UTRN: variants seen among roughly 807,000 people sequenced by gnomAD.
UTRN encodes dystrophin-related protein 1.
In UTRN, 283 loss-of-function variants were observed where a neutral mutation model predicts 463.9. That is an observed-to-expected ratio of 0.61 (90% CI 0.55 to 0.67). UTRN has a LOEUF of 0.67. Ranked by LOEUF, UTRN falls within the 30% of genes least tolerant of loss-of-function variation. The pLI, the probability that UTRN is intolerant of heterozygous loss-of-function variation, is 0.00. For synonymous variants in UTRN, 1,442 were observed against 1,431.5 expected (o/e 1.01, Z -0.17); for missense variants, 3,922 against 4,084.3 (o/e 0.96, Z 1.08).
rs1413264509 is a variant in UTRN at position 144,502,502 on chromosome 6, A to G, written c.4764+3075A>G. On this transcript the variant is annotated intron_variant, in intron 34 of 74. Coordinates refer to ENST00000367545, the MANE Select transcript of UTRN (RefSeq NM_007124.3). ...TCAATTCCCACTTATGAGTGAGAAT[A>G]TGTGGTGTTTGGTTTTCTGTTCCTG... Among the ~76,000 whole-genome samples the G allele has an allele frequency of 2.0e-5, 3 of 151,964 alleles. No homozygotes were observed. The East Asian group carries it at 5.8e-4, about 29-fold the overall frequency.
At chr6:144,560,978 G>A (rs1410416093) in intron 50 of UTRN, among the ~76,000 whole-genome samples, 3 of 151,090 alleles carry the variant, frequency 2.0e-5, no homozygotes, top group African/African-American at 7.3e-5. Context: ...TTGAAAAGTA[G>A]GCCTGTCTCT....
intron 69 of UTRN, 140 bp downstream of exon 69, chr6:144,828,995 G>A: frequency 1.2e-6 from 1 of 864,674 alleles, no homozygotes; most frequent in Non-Finnish European, 1.8e-6. Flanking sequence ...TTTCTACGTA[G>A]ATTTTATGCT....
At chr6:144,553,810 T>C (rs1158640397) in intron 48 of UTRN, among the ~76,000 whole-genome samples, 1 of 150,946 alleles carries the variant, frequency 6.6e-6, no homozygotes, top group East Asian at 1.9e-4. Flanking sequence ...CATGGGAGGC[T>C]GAGGCAGGAG....
intron 14 of UTRN, among the ~76,000 whole-genome samples, chr6:144,444,981 A>G (rs1386802110): frequency 6.6e-6 from 1 of 152,188 alleles, no homozygotes; most frequent in Non-Finnish European, 1.5e-5. Flanking sequence ...GTCTTTCCAG[A>G]AAAGCAACCA....
intron 65 of UTRN, among the ~76,000 whole-genome samples, chr6:144,803,802 A>G (rs1433328542): frequency 6.6e-6 from 1 of 152,132 alleles, no homozygotes; most frequent in African/African-American, 2.4e-5. Context: ...AGCTCATTCC[A>G]GATATTATGT....
intron 23 of UTRN, among the ~76,000 whole-genome samples, chr6:144,470,775 G>C (rs892845663): frequency 1.3e-5 from 2 of 152,114 alleles, no homozygotes; most frequent in African/African-American, 2.4e-5. Context: ...CTGCAATCCC[G>C]GTACCTCGGG....
At chr6:144,662,562 A>T (rs1269075524) in intron 51 of UTRN, among the ~76,000 whole-genome samples, 2 of 152,180 alleles carry the variant, frequency 1.3e-5, no homozygotes, top group African/African-American at 4.8e-5. Flanking sequence ...TCATATCAGC[A>T]GTTGTCATTG....
intron 2 of UTRN, among the ~76,000 whole-genome samples, chr6:144,339,894 G>A (rs1031977839): frequency 1.3e-5 from 2 of 152,208 alleles, no homozygotes; most frequent in African/African-American, 4.8e-5. Context: ...TAGGCCAGGC[G>A]TGGTGGCTCA....
chr6:144,555,487 C>A (rs1344994251), intron 49 of UTRN, among the ~76,000 whole-genome samples: 1 of 152,222 alleles, frequency 6.6e-6, no homozygotes. Flanking sequence ...GGCTGGAATG[C>A]AGTGGCACTA....
rs201690575 is a variant in UTRN, at chr6:144,678,433, A to C, written c.7507A>C (p.Asn2503His). Residue 2503 changes from asparagine to histidine, a missense_variant, in exon 52 of 75, where the codon AAT becomes CAT. This residue lies in a region of UTRN where 1,309 missense variants were observed against 1,452.6 expected (regional missense o/e 0.90). Transcript: ENST00000367545. ...QDIQAEIDAH[N>H]DIFKSIDGNR... Reference sequence around the variant, plus strand: ...CATCCAGGCAGAAATTGATGCCCACAATGACATATTTAAAAGCATTGACGG... The same window carrying C: ...CATCCAGGCAGAAATTGATGCCCACCATGACATATTTAAAAGCATTGACGG... 116 of 1,612,588 alleles carry C rather than the reference A, an allele frequency of 7.2e-5. No homozygotes were observed. The highest frequency in any genetic ancestry group is 5.9e-6 in the Non-Finnish European group (7 of 1,179,164).
At chr6:144,705,334 A>T (rs1025166680) in intron 53 of UTRN, among the ~76,000 whole-genome samples, 2 of 152,210 alleles carry the variant, frequency 1.3e-5, no homozygotes, top group Non-Finnish European at 2.9e-5. Flanking sequence ...GCTTCAGTGT[A>T]TGGAAATAAG....
At chr6:144,770,323 A>G (rs187300609) in intron 58 of UTRN, among the ~76,000 whole-genome samples, 4 of 152,318 alleles carry the variant, frequency 2.6e-5, no homozygotes, top group East Asian at 1.9e-4. Flanking sequence ...TTACCTGTGT[A>G]TATATAACAG....
intron 50 of UTRN, among the ~76,000 whole-genome samples, chr6:144,568,013 A>G (rs1585315706): frequency 1.3e-5 from 2 of 152,342 alleles, no homozygotes; most frequent in South Asian, 2.1e-4. Flanking sequence ...ATTGTGTTAC[A>G]AAATGATTAT....
chr6:144,422,566 C>T (rs866883650), intron 4 of UTRN, among the ~76,000 whole-genome samples: 1 of 151,234 alleles, frequency 6.6e-6, no homozygotes, highest in African/African-American at 2.4e-5. Context: ...TGCAGTGAGC[C>T]GAGATTGCGC....
At chr6:144,530,395 GCTCTAT>G (rs894889762) in intron 41 of UTRN, among the ~76,000 whole-genome samples, 2 of 152,120 alleles carry the variant, frequency 1.3e-5, no homozygotes, top group African/African-American at 2.4e-5. Context: ...GTCCTGGAAA[GCTCTAT>G]CTCTAAGTAC....
intron 51 of UTRN, among the ~76,000 whole-genome samples, chr6:144,597,829 TTA>T (rs1803815803): frequency 6.6e-6 from 1 of 152,208 alleles, no homozygotes; most frequent in Non-Finnish European, 1.5e-5. Context: ...AGCTGGTGCT[TTA>T]TAATTTGACT....
chr6:144,651,361 G>C (rs988499184), intron 51 of UTRN, among the ~76,000 whole-genome samples: 1 of 152,120 alleles, frequency 6.6e-6, no homozygotes. Context: ...TGTCTTTCTT[G>C]ATAAGAGTGT....
At chr6:144,406,633 C>T (rs1262051204) in intron 3 of UTRN, among the ~76,000 whole-genome samples, 1 of 152,196 alleles carries the variant, frequency 6.6e-6, no homozygotes, top group East Asian at 1.9e-4. Flanking sequence ...TCCCAAAGTG[C>T]TGGGATTACA....
In UTRN at chr6:144,577,052, A is replaced by G. The variant is rs778776663; in HGVS notation, c.7290-47A>G. On this transcript the variant is annotated intron_variant, in intron 50 of 74. Transcript: ENST00000367545. The stretch of plus-strand genomic sequence containing the variant: ...TAGGGGATGCGTGATGTGGAATGTC[A>G]CAACACTGTAAGTAATGGAGCCGTG... 1.4e-5 allele frequency: 22 copies of G among 1,580,714 alleles called. 1 individual carries two copies. Among genetic ancestry groups the G allele is most frequent in the Non-Finnish European group, 1.4e-5 (16 of 1,155,962 alleles).
Sources: allele counts gnomAD v4.1 joint callset (sites outside exome capture counted in the v4.1 genomes callset), GRCh38; gene constraint gnomAD v4.1.1; regional missense constraint gnomAD v4.1.1; transcripts MANE v1.5; gene names NCBI Gene and HGNC (gene_info 2026-07-23, HGNC 2026-07-21).